The following AKAP6 variants were observed in gnomAD, a reference collection of about 807,000 sequenced individuals.
AKAP6 encodes A-kinase anchor protein 6.
In AKAP6, 58 loss-of-function variants were observed where a neutral mutation model predicts 188.5. The observed-to-expected ratio is 0.31, with a 90% CI of 0.25 to 0.38. The LOEUF is 0.38. Among genes scored for constraint, AKAP6 ranks in the 10% least tolerant of loss-of-function variants. The probability of loss-of-function intolerance (pLI) is 1.00; values close to 1 mark genes in which losing one functional copy is unlikely to be tolerated. For missense variants in AKAP6, 2,710 were observed against 2,740.0 expected (o/e 0.99, Z 0.24); for synonymous variants, 989 against 998.6 (o/e 0.99, Z 0.18).
At chr14:32,605,787 T>G (rs2139367031) in intron 7 of AKAP6, among the ~76,000 whole-genome samples, 1 of 152,256 alleles carries the variant, frequency 6.6e-6, no homozygotes, top group East Asian at 1.9e-4. Flanking sequence ...ATCTATTTCA[T>G]CTTAGACCTA....
intron 12 of AKAP6, among the ~76,000 whole-genome samples, chr14:32,810,735 T>C (rs2034203233): frequency 6.6e-6 from 1 of 152,120 alleles, no homozygotes; most frequent in African/African-American, 2.4e-5. Flanking sequence ...CTTTTTAATC[T>C]CCTCTAAATC....
intron 1 of AKAP6, among the ~76,000 whole-genome samples, chr14:32,388,607 T>A (rs1888608356): frequency 6.6e-6 from 1 of 152,056 alleles, no homozygotes; most frequent in Non-Finnish European, 1.5e-5. Context: ...TCATTTTTGA[T>A]CCAATGATCA....
At chr14:32,529,575 C>T (rs1473465074) in intron 2 of AKAP6, among the ~76,000 whole-genome samples, 1 of 152,152 alleles carries the variant, frequency 6.6e-6, no homozygotes, top group African/African-American at 2.4e-5. Context: ...CTTCTAGTTT[C>T]TCACTGTTAA....
chr14:32,636,067 A>T (rs530498956), intron 7 of AKAP6, among the ~76,000 whole-genome samples: 3 of 152,212 alleles, frequency 2.0e-5, no homozygotes, highest in Admixed American at 6.5e-5. Context: ...TTTGCCCAGA[A>T]ATGTTTTGCA....
intron 7 of AKAP6, among the ~76,000 whole-genome samples, chr14:32,658,278 C>T (rs1251125326): frequency 6.6e-6 from 1 of 152,068 alleles, no homozygotes; most frequent in Non-Finnish European, 1.5e-5. Context: ...TACAATGTAA[C>T]TCCTGTTTAA....
intron 7 of AKAP6, among the ~76,000 whole-genome samples, chr14:32,638,402 C>A (rs1187502090): frequency 6.6e-6 from 1 of 152,054 alleles, no homozygotes; most frequent in Non-Finnish European, 1.5e-5. Flanking sequence ...TGTTTTGTTT[C>A]TTTTTCTCTT....
chr14:32,827,065 T>C (rs1248531997), intron 13 of AKAP6, among the ~76,000 whole-genome samples: 1 of 152,192 alleles, frequency 6.6e-6, no homozygotes, highest in East Asian at 1.9e-4. Context: ...ATTGGATAAC[T>C]GGGTATAAAT....
intron 1 of AKAP6, among the ~76,000 whole-genome samples, chr14:32,380,604 C>G (rs1221495908): frequency 6.6e-6 from 1 of 152,202 alleles, no homozygotes; most frequent in Non-Finnish European, 1.5e-5. Flanking sequence ...ATTCTTCCTT[C>G]AAGAGGCATA....
chr14:32,701,056 T>G (rs1185057777), intron 9 of AKAP6, among the ~76,000 whole-genome samples: 1 of 152,194 alleles, frequency 6.6e-6, no homozygotes, highest in African/African-American at 2.4e-5. Context: ...ATGGCTTCAT[T>G]CATATAAGTC....
At chr14:32,622,364 CT>C (rs1457379885) in intron 7 of AKAP6, among the ~76,000 whole-genome samples, 1 of 151,524 alleles carries the variant, frequency 6.6e-6, no homozygotes, top group Non-Finnish European at 1.5e-5. Flanking sequence ...CCAATATTAT[CT>C]GTTATTTTCA....
At chr14:32,490,831 T>A (rs1879975523) in intron 2 of AKAP6, among the ~76,000 whole-genome samples, 1 of 152,200 alleles carries the variant, frequency 6.6e-6, no homozygotes, top group Admixed American at 6.5e-5. Context: ...GTTTGGTTGT[T>A]CTCAGTGAGG....
chr14:32,678,540 T>C (rs1889534918), intron 8 of AKAP6, 81 bp downstream of exon 8: 1 of 1,516,844 alleles, frequency 6.6e-7, no homozygotes, highest in Non-Finnish European at 9.1e-7. Flanking sequence ...GTTAGGAAGG[T>C]ATTTCCTCTT....
chr14:32,700,281 CAG>C (rs1289410971), intron 9 of AKAP6, among the ~76,000 whole-genome samples: 2 of 152,158 alleles, frequency 1.3e-5, no homozygotes, highest in East Asian at 3.9e-4. Context: ...CTACAGAGCA[CAG>C]ATGACAGATC....
chr14:32,811,467 A>C (rs1359199244), intron 12 of AKAP6, among the ~76,000 whole-genome samples: 1 of 152,132 alleles, frequency 6.6e-6, no homozygotes, highest in African/African-American at 2.4e-5. Flanking sequence ...CCTCATTGAG[A>C]ATGAAGACAC....
chr14:32,582,608 T>C (rs573542433), intron 5 of AKAP6, among the ~76,000 whole-genome samples: 70 of 152,300 alleles, frequency 4.6e-4, no homozygotes, highest in Non-Finnish European at 8.2e-4. Context: ...CCATTCTCCC[T>C]GTCACTTTCA....
chr14:32,546,368 C>G lies in AKAP6; in HGVS notation c.1715C>G (p.Thr572Arg). The part of the protein sequence containing the change: ...WNAKLQLQSE[T>R]SSSPAFTQSS... The stretch of plus-strand genomic sequence containing the variant: ...GCCAAATTGCAATTGCAGTCAGAAA[C>G]ATCCAGTTCACCAGCTTTTACTCAG... Residue 572 changes from threonine (T) to arginine (R), a missense_variant, in exon 4 of 14, where the codon ACA (threonine) becomes AGA (arginine). Thr to Arg is a moderately conservative substitution (Grantham distance 71, BLOSUM62 -1). Coordinates refer to ENST00000280979, the MANE Select transcript of AKAP6 (RefSeq NM_004274.5). The G allele has an allele frequency of 6.2e-7, 1 of 1,614,180 alleles. No homozygotes were observed. Among genetic ancestry groups the G allele is most frequent in the Non-Finnish European group, 8.5e-7 (1 of 1,180,038 alleles).
At chr14:32,700,002 G>A (rs551132684) in intron 9 of AKAP6, among the ~76,000 whole-genome samples, 41 of 152,270 alleles carry the variant, frequency 2.7e-4, no homozygotes, top group Non-Finnish European at 1.0e-4. Flanking sequence ...ACTTGTGAAG[G>A]AAAAGCTCCA....
intron 9 of AKAP6, among the ~76,000 whole-genome samples, chr14:32,720,585 T>C (rs2030479593): frequency 6.6e-6 from 1 of 152,224 alleles, no homozygotes; most frequent in Admixed American, 6.5e-5. Context: ...TTATAGCACA[T>C]ATTAGGTAAG....
chr14:32,786,940 C>T (rs949613236), intron 12 of AKAP6, among the ~76,000 whole-genome samples: 1 of 152,106 alleles, frequency 6.6e-6, no homozygotes, highest in Non-Finnish European at 1.5e-5. Context: ...GCATTGAAAA[C>T]AGAACATCGT....
Sources: gnomAD v4.1 joint callset for allele counts (sites outside exome capture counted in the v4.1 genomes callset) on GRCh38, gnomAD v4.1.1 for gene constraint, MANE v1.5 for transcripts, NCBI Gene and HGNC (gene_info 2026-07-23, HGNC 2026-07-21) for gene names.